SLC14A2: variants seen among roughly 807,000 people sequenced by gnomAD.
SLC14A2 encodes the protein urea transporter 2.
In SLC14A2, 91 loss-of-function variants were observed where a neutral mutation model predicts 104.6. That is an observed-to-expected ratio of 0.87 (90% confidence interval 0.73 to 1.04). The LOEUF is 1.04. SLC14A2 is among the 50% of genes least tolerant of loss of function. SLC14A2 has a pLI of 0.00. For missense variants in SLC14A2, 1,189 were observed against 1,156.0 expected (o/e 1.03, Z -0.41); for synonymous variants, 476 against 466.4 (o/e 1.02, Z -0.27).
At chr18:45,357,749 C>T (rs558346945) in intron 1 of SLC14A2, among the ~76,000 whole-genome samples, 112 of 152,200 alleles carry the variant, frequency 7.4e-4, no homozygotes, top group African/African-American at 2.6e-3. Context: ...TGAGGAACAT[C>T]AAGGAAGATT....
intron 2 of SLC14A2, among the ~76,000 whole-genome samples, chr18:45,538,324 C>G (rs951084580): frequency 6.6e-6 from 1 of 152,260 alleles, no homozygotes; most frequent in Non-Finnish European, 1.5e-5. Flanking sequence ...AAACCCACTA[C>G]ATTCCAATGG....
the SLC14A2 span, among the ~76,000 whole-genome samples, chr18:45,196,552 G>C: frequency 3.3e-5 from 5 of 152,214 alleles, no homozygotes; most frequent in Non-Finnish European, 7.3e-5. Flanking sequence ...CCAACCTCAA[G>C]GTGATATTGA....
chr18:45,669,058 T>C (rs1009781627), intron 15 of SLC14A2, among the ~76,000 whole-genome samples: 1 of 152,228 alleles, frequency 6.6e-6, no homozygotes, highest in African/African-American at 2.4e-5. Flanking sequence ...AGCTATAGGA[T>C]TCCTGAAGGA....
intron 2 of SLC14A2, among the ~76,000 whole-genome samples, chr18:45,525,900 T>A (rs189534808): frequency 6.6e-6 from 1 of 152,218 alleles, no homozygotes; most frequent in East Asian, 1.9e-4. Context: ...TGAGACATGA[T>A]GGAATTCCAG....
intron 2 of SLC14A2, among the ~76,000 whole-genome samples, chr18:45,543,433 A>C (rs896956281): frequency 2.0e-5 from 3 of 152,206 alleles, no homozygotes; most frequent in African/African-American, 7.2e-5. Context: ...ACTCTTAAAT[A>C]CACATCAAAA....
At chr18:45,676,847 T>G (rs777355970) in intron 18 of SLC14A2, among the ~76,000 whole-genome samples, 1 of 152,212 alleles carries the variant, frequency 6.6e-6, no homozygotes, top group Non-Finnish European at 1.5e-5. Context: ...ATACATTACT[T>G]GAAGTCAGGT....
chr18:45,332,454 T>C (rs2085299876), intron 1 of SLC14A2, among the ~76,000 whole-genome samples: 1 of 152,130 alleles, frequency 6.6e-6, no homozygotes, highest in Non-Finnish European at 1.5e-5. Flanking sequence ...ATAAGAGAGT[T>C]GAGTATCCAT....
intron 1 of SLC14A2, among the ~76,000 whole-genome samples, chr18:45,314,289 C>T (rs1173581851): frequency 6.6e-6 from 1 of 152,214 alleles, no homozygotes; most frequent in Non-Finnish European, 1.5e-5. Context: ...TACACCACTG[C>T]ATATGTTCTC....
the SLC14A2 span, among the ~76,000 whole-genome samples, chr18:45,179,420 A>G: frequency 6.6e-6 from 1 of 152,162 alleles, no homozygotes; most frequent in East Asian, 1.9e-4. Flanking sequence ...ATGCCTTCAG[A>G]GTCTCACCTT....
chr18:45,444,359 C>T (rs1453296291), intron 1 of SLC14A2, among the ~76,000 whole-genome samples: 5 of 152,160 alleles, frequency 3.3e-5, no homozygotes, highest in African/African-American at 1.2e-4. Context: ...TTCTGACATA[C>T]TTTGATATTC....
intron 13 of SLC14A2, 70 bp from the exon 14 acceptor site, chr18:45,667,763 C>T: frequency 2.3e-6 from 3 of 1,280,262 alleles, no homozygotes; most frequent in Non-Finnish European, 3.4e-6. Flanking sequence ...TTCCCTCACA[C>T]CCTCCATCTG....
At chr18:45,522,747 T>A (rs1332240101) in intron 2 of SLC14A2, among the ~76,000 whole-genome samples, 4 of 152,194 alleles carry the variant, frequency 2.6e-5, no homozygotes, top group Non-Finnish European at 5.9e-5. Context: ...GCGTGAAGAT[T>A]TCTGTTTGCT....
In SLC14A2 at chr18:45,665,116, C is replaced by A. The variant is rs548308623; in HGVS notation, c.1475-1021C>A. Among the ~76,000 whole-genome samples, 168 of 152,278 alleles carry A rather than the reference C, an allele frequency of 1.1e-3. 1 individual carries two copies. Among genetic ancestry groups the A allele is most frequent in the African/African-American group, 3.9e-3 (163 of 41,550 alleles). ...GTTTGTCCTGAATGGTGTCACCTCC[C>A]AAACACACTGGTATCTGCAGTCCCT... On this transcript the variant is annotated intron_variant, in intron 11 of 19. Transcript: ENST00000255226.
At chr18:45,342,195 G>T (rs1265609644) in intron 1 of SLC14A2, among the ~76,000 whole-genome samples, 4 of 152,176 alleles carry the variant, frequency 2.6e-5, no homozygotes, top group Non-Finnish European at 1.5e-5. Context: ...GAACAGAACT[G>T]TGAATAATGA....
intron 2 of SLC14A2, among the ~76,000 whole-genome samples, chr18:45,512,578 T>C (rs55719030): frequency 0.24 from 37,114 of 152,040 alleles, 4,855 homozygotes; most frequent in African/African-American, 0.32. Context: ...AAGTGCAATT[T>C]CCCTCCTGCA....
At chr18:45,273,793 G>A (rs73952825) in intron 1 of SLC14A2, among the ~76,000 whole-genome samples, 5,714 of 152,144 alleles carry the variant, frequency 0.038, 234 homozygotes, top group East Asian at 0.091. Flanking sequence ...TTCTCTTCTC[G>A]TTTGGAAATT....
chr18:45,595,961 C>T (rs2044714376), intron 2 of SLC14A2, among the ~76,000 whole-genome samples: 1 of 152,188 alleles, frequency 6.6e-6, no homozygotes, highest in East Asian at 1.9e-4. Flanking sequence ...TCACAGGGCC[C>T]ACATTGCTCA....
intron 10 of SLC14A2, among the ~76,000 whole-genome samples, chr18:45,649,828 CT>C (rs2045699374): frequency 6.6e-6 from 1 of 152,230 alleles, no homozygotes; most frequent in Non-Finnish European, 1.5e-5. Flanking sequence ...CAATCTCATT[CT>C]TTTTCCTTTG....
chr18:45,491,015 A>G (rs1385878631), intron 2 of SLC14A2, among the ~76,000 whole-genome samples: 2 of 152,232 alleles, frequency 1.3e-5, no homozygotes, highest in Non-Finnish European at 2.9e-5. Flanking sequence ...AGGAAGTCCA[A>G]ATTGTTTTTA....
Sources: allele counts gnomAD v4.1 joint callset (sites outside exome capture counted in the v4.1 genomes callset), GRCh38; gene constraint gnomAD v4.1.1; transcripts MANE v1.5; gene names NCBI Gene and HGNC (gene_info 2026-07-23, HGNC 2026-07-21).